The following SMURF1 variants were observed in gnomAD, a reference collection of about 807,000 sequenced individuals.
SMURF1 encodes the protein E3 ubiquitin-protein ligase SMURF1.
A neutral mutation model predicts 98.0 loss-of-function variants in SMURF1; 44 were observed. That is an observed-to-expected ratio of 0.45 (90% CI 0.35 to 0.58). SMURF1 has a LOEUF of 0.58. Ranked by LOEUF, SMURF1 falls within the 20% of genes least tolerant of loss-of-function variation. The pLI is 0.00. For missense variants in SMURF1, 687 were observed against 938.4 expected (o/e 0.73, Z 3.50); for synonymous variants, 396 against 374.9 (o/e 1.06, Z -0.65).
chr7:99,115,223 A>G (rs978926834), intron 1 of SMURF1, among the ~76,000 whole-genome samples: 1 of 152,136 alleles, frequency 6.6e-6, no homozygotes, highest in Non-Finnish European at 1.5e-5. Context: ...AAAGATCAAT[A>G]AAACTAACAA....
intron 6 of SMURF1, among the ~76,000 whole-genome samples, 166 bp from the exon 7 acceptor site, chr7:99,052,612 A>C (rs1403349160): frequency 1.3e-5 from 2 of 152,206 alleles, no homozygotes; most frequent in African/African-American, 2.4e-5. Context: ...ACCATGTGCC[A>C]CTCAAACAGA....
intron 3 of SMURF1, among the ~76,000 whole-genome samples, chr7:99,057,965 T>G (rs765668905): frequency 2.6e-5 from 4 of 152,190 alleles, no homozygotes; most frequent in Non-Finnish European, 5.9e-5. Flanking sequence ...TAAAATAATG[T>G]TGCCTCTGTA....
At position 99,028,004 on chromosome 7, in the gene SMURF1, T is replaced by G. The variant is rs1794751587; in HGVS notation, c.*2580A>C. The G allele has an allele frequency of 6.6e-6, 1 of 152,580 alleles. No individual in the cohort carries two copies. The highest frequency in any genetic ancestry group is 1.5e-5 in the Non-Finnish European group (1 of 68,016). The allele number at this position is 152,580 out of a possible 1,614,324, so 9.5% of individuals were successfully genotyped here. A position where few individuals can be genotyped will look rare whatever the true frequency, so the allele number is the denominator to read the frequency against. ...CCCAGGCAGCCTCAGCTCTTCCTAC[T>G]GAAAGCACTGGCGGAGTGGTGTTAG... is the stretch of plus-strand genomic sequence containing the variant. On this transcript the variant is annotated 3_prime_UTR_variant, in exon 18 of 18. Transcript: ENST00000361368.
chr7:99,141,659 C>A (rs536023405), intron 1 of SMURF1, among the ~76,000 whole-genome samples: 19 of 152,252 alleles, frequency 1.2e-4, no homozygotes, highest in African/African-American at 4.6e-4. Context: ...TATTTGATAT[C>A]TTTATACAAA....
At chr7:99,072,667 G>A (rs1232990407) in intron 1 of SMURF1, among the ~76,000 whole-genome samples, 1 of 152,034 alleles carries the variant, frequency 6.6e-6, no homozygotes, top group Admixed American at 6.6e-5. Flanking sequence ...AAGAAAATCC[G>A]AAGGTGAGGA....
At chr7:99,059,470 T>C (rs1368430082) in intron 3 of SMURF1, among the ~76,000 whole-genome samples, 2 of 144,714 alleles carry the variant, frequency 1.4e-5, no homozygotes, top group African/African-American at 5.0e-5. Context: ...AATAAAATAG[T>C]GGTCTTCAAA....
intron 10 of SMURF1, among the ~76,000 whole-genome samples, chr7:99,046,199 A>G (rs1162014970): frequency 6.6e-6 from 1 of 152,174 alleles, no homozygotes; most frequent in Non-Finnish European, 1.5e-5. Context: ...GAGAGTTCTG[A>G]GCCTCTCTTT....
At chr7:99,120,327 T>C (rs1046817602) in intron 1 of SMURF1, among the ~76,000 whole-genome samples, 1 of 152,194 alleles carries the variant, frequency 6.6e-6, no homozygotes, top group Non-Finnish European at 1.5e-5. Flanking sequence ...AACTAACAAG[T>C]ATGGCTTCAA....
chr7:99,104,311 G>C (rs1797150443), intron 1 of SMURF1, among the ~76,000 whole-genome samples: 3 of 152,174 alleles, frequency 2.0e-5, no homozygotes, highest in Non-Finnish European at 4.4e-5. Context: ...GAAATAAATA[G>C]TAATAAAAGT....
intron 1 of SMURF1, among the ~76,000 whole-genome samples, chr7:99,127,977 G>C (rs116038382): frequency 1.8e-3 from 269 of 152,116 alleles, no homozygotes; most frequent in African/African-American, 5.6e-3. Context: ...TTCAATTCAG[G>C]TTCCATTTTC....
chr7:99,063,790 T>TTTC (rs1796123836), intron 1 of SMURF1, among the ~76,000 whole-genome samples: 1 of 151,394 alleles, frequency 6.6e-6, no homozygotes, highest in Non-Finnish European at 1.5e-5. Context: ...TTTTTTTTTT[T>TTTC]TTCAGAGACA....
chr7:99,056,533 G>A (rs1795880344), intron 5 of SMURF1, among the ~76,000 whole-genome samples: 1 of 152,010 alleles, frequency 6.6e-6, no homozygotes, highest in African/African-American at 2.4e-5. Context: ...TATATGATGG[G>A]GCTTCCAGAA....
Position 99,037,148 on chromosome 7 carries a change from G to C in SMURF1, c.1728C>G (p.Ala576=), listed in dbSNP as rs201306215. ...ACCCCTTCTGCAGAGCTAAGAACTG[G>C]GCTTCGATTCCTCTCATAAACCTCC... ...VNWRFMRGIE[A]QFLALQKGFN... Residue 576 remains alanine (A), a synonymous_variant, in exon 15 of 18, where the codon GCC becomes GCG. Coordinates refer to ENST00000361368, the MANE Select transcript of SMURF1 (RefSeq NM_181349.3). The C allele has an allele frequency of 6.2e-7, 1 of 1,614,092 alleles. No individual in the cohort carries two copies. Among genetic ancestry groups the C allele is most frequent in the Non-Finnish European group, 8.5e-7 (1 of 1,180,030 alleles).
chr7:99,097,108 T>G (rs1375701663), intron 1 of SMURF1, among the ~76,000 whole-genome samples: 1 of 152,076 alleles, frequency 6.6e-6, no homozygotes, highest in Non-Finnish European at 1.5e-5. Context: ...TTTGTGAGAT[T>G]CAGCTAAACT....
At chr7:99,037,394 C>T (rs540247804) in intron 14 of SMURF1, among the ~76,000 whole-genome samples, 3 of 152,210 alleles carry the variant, frequency 2.0e-5, no homozygotes, top group Non-Finnish European at 4.4e-5. Flanking sequence ...CCCACCACCA[C>T]ACCTGGCTAA....
intron 1 of SMURF1, among the ~76,000 whole-genome samples, chr7:99,127,872 G>A (rs1025612696): frequency 2.0e-5 from 3 of 152,022 alleles, no homozygotes; most frequent in Admixed American, 1.3e-4. Context: ...ACTGGCTTGC[G>A]TCTATTCTAA....
At chr7:99,137,005 GA>G (rs1161429364) in intron 1 of SMURF1, among the ~76,000 whole-genome samples, 1 of 150,774 alleles carries the variant, frequency 6.6e-6, no homozygotes, top group East Asian at 1.9e-4. Flanking sequence ...CCTGGCCTGG[GA>G]AAAACATAAA....
At chr7:99,107,797 A>G (rs1478656229) in intron 1 of SMURF1, among the ~76,000 whole-genome samples, 1 of 152,158 alleles carries the variant, frequency 6.6e-6, no homozygotes, top group Non-Finnish European at 1.5e-5. Flanking sequence ...TCTTAATGCA[A>G]CCTCACACGT....
intron 1 of SMURF1, among the ~76,000 whole-genome samples, chr7:99,131,338 C>T (rs1332796586): frequency 6.6e-6 from 1 of 151,974 alleles, no homozygotes; most frequent in African/African-American, 2.4e-5. Flanking sequence ...GAATACCCTC[C>T]TCACCCGGCC....
Sources: allele counts gnomAD v4.1 joint callset (sites outside exome capture counted in the v4.1 genomes callset), GRCh38; gene constraint gnomAD v4.1.1; transcripts MANE v1.5; gene names NCBI Gene and HGNC (gene_info 2026-07-23, HGNC 2026-07-21).